The following ZMYM2 variants were observed in gnomAD, a reference collection of about 807,000 sequenced individuals.
The protein encoded by ZMYM2 is zinc finger MYM-type containing 2, also known as zinc finger MYM-type protein 2.
ZMYM2 carries 56 observed loss-of-function variants against 162.8 expected under a neutral mutation model. The ratio of observed to expected loss-of-function variants is 0.34; its 90% CI spans 0.28 to 0.43. ZMYM2 has a LOEUF of 0.43. ZMYM2 is among the 20% of genes least tolerant of loss of function. The pLI is 1.00. For synonymous variants in ZMYM2, 510 were observed against 541.6 expected (o/e 0.94, Z 0.81); for missense variants, 1,275 against 1,621.8 (o/e 0.79, Z 3.67).
intron 11 of ZMYM2, 38 bp from the exon 12 acceptor site, chr13:20,036,699 G>GT (rs144794743): frequency 2.1e-6 from 3 of 1,425,024 alleles, no homozygotes; most frequent in Admixed American, 2.9e-5. Context: ...GTTTTCATGT[G>GT]TTTTTTTGTT....
chr13:19,988,237 C>T (rs1280995988), intron 2 of ZMYM2, among the ~76,000 whole-genome samples: 1 of 152,066 alleles, frequency 6.6e-6, no homozygotes, highest in Non-Finnish European at 1.5e-5. Context: ...CATTTTCTTA[C>T]TTTGTTGAGT....
the ZMYM2 span, among the ~76,000 whole-genome samples, chr13:19,943,917 G>T: frequency 1.3e-5 from 2 of 152,194 alleles, no homozygotes; most frequent in Non-Finnish European, 2.9e-5. Flanking sequence ...TGTTGGGGTA[G>T]AGTAAATTAT....
the ZMYM2 span, among the ~76,000 whole-genome samples, chr13:19,917,616 AAGTT>A: frequency 1.4e-5 from 2 of 141,444 alleles, no homozygotes; most frequent in African/African-American, 2.5e-5. Context: ...AAAAAAAAAG[AAGTT>A]AGTTATCACA....
In ZMYM2 at chr13:19,965,360, T is replaced by C. The variant is rs1177411185; in HGVS notation, c.-11+5334T>C. 9.5e-6 allele frequency: 7 copies of C among 733,666 alleles called. No individual in the cohort carries two copies. The East Asian group carries it at 2.5e-4, about 26-fold the overall frequency. 45.4% of individuals were successfully genotyped at this position (733,666 alleles called of 1,614,324 possible). A position where few individuals can be genotyped will look rare whatever the true frequency, so the allele number is the denominator to read the frequency against. On this transcript the variant is annotated intron_variant, in intron 2 of 24. Coordinates refer to ENST00000610343, the MANE Select transcript of ZMYM2 (RefSeq NM_197968.4). ...CTTCTCTTCTAATACTGGAACAGTT[T>C]TATAATCATTCATTTCAAAGAGGTA...
chr13:19,944,860 G>A, the ZMYM2 span, among the ~76,000 whole-genome samples: 1 of 151,984 alleles, frequency 6.6e-6, no homozygotes, highest in Non-Finnish European at 1.5e-5. Flanking sequence ...TAGTAGAGAT[G>A]GGGTTTTGCT....
At chr13:20,062,758 A>G in intron 17 of ZMYM2, 88 bp from the exon 18 acceptor site, 2 of 1,299,474 alleles carry the variant, frequency 1.5e-6, no homozygotes, top group Non-Finnish European at 2.0e-6. Context: ...TGCATTTAAA[A>G]TTAAATGACT....
chr13:20,065,631 T>G (rs1200817496), intron 19 of ZMYM2, among the ~76,000 whole-genome samples: 1 of 151,802 alleles, frequency 6.6e-6, no homozygotes, highest in Admixed American at 6.6e-5. Context: ...TAGTGAGACC[T>G]CTACAAAAAC....
intron 2 of ZMYM2, among the ~76,000 whole-genome samples, chr13:19,971,262 A>T (rs1161863455): frequency 8.2e-4 from 64 of 78,334 alleles, no homozygotes; most frequent in South Asian, 1.7e-3. Context: ...ATATATATAT[A>T]TTTTTTTTTT....
chr13:19,970,370 T>C (rs951816461), intron 2 of ZMYM2, among the ~76,000 whole-genome samples: 7 of 152,176 alleles, frequency 4.6e-5, no homozygotes, highest in African/African-American at 1.7e-4. Context: ...TCAGGTCATG[T>C]TACTAACTGT....
chr13:19,867,789 C>A, the ZMYM2 span, among the ~76,000 whole-genome samples: 1 of 152,164 alleles, frequency 6.6e-6, no homozygotes, highest in Non-Finnish European at 1.5e-5. Flanking sequence ...CCACGTCCAG[C>A]TAATTTTTGT....
In ZMYM2 at chr13:20,031,378, G is replaced by A. The variant is rs1953121690; in HGVS notation, c.1911G>A (p.Leu637=). ...GQFVAPSDIQ[L]KCNYCKNSFC... is the part of the protein sequence containing the mutation. Reference sequence around the variant, plus strand: ...TTGTAGCGCCAAGTGATATTCAGTTGAAATGCAACTACTGCAAAAATTCCT... The same window carrying A: ...TTGTAGCGCCAAGTGATATTCAGTTAAAATGCAACTACTGCAAAAATTCCT... The change falls in exon 10 of 25, where the codon TTG becomes TTA. Residue 637 remains leucine (L), a synonymous_variant. Transcript: ENST00000610343. 2 of 1,607,772 alleles carry A rather than the reference G, an allele frequency of 1.2e-6. No individual in the cohort carries two copies. The highest frequency in any genetic ancestry group is 4.5e-5 in the East Asian group (2 of 44,620).
chr13:20,049,378 A>G (rs1955107658), intron 12 of ZMYM2, among the ~76,000 whole-genome samples: 1 of 151,936 alleles, frequency 6.6e-6, no homozygotes, highest in South Asian at 2.1e-4. Flanking sequence ...CCATTGTTCA[A>G]ATTCTTGAGG....
chr13:19,992,474 C>T (rs1420918678), intron 2 of ZMYM2, among the ~76,000 whole-genome samples: 1 of 151,952 alleles, frequency 6.6e-6, no homozygotes, highest in Non-Finnish European at 1.5e-5. Flanking sequence ...GTGGGAGGAT[C>T]GCCTTAACCT....
chr13:20,046,635 ATATATGTGTACATATG>A (rs1250147130), intron 12 of ZMYM2, among the ~76,000 whole-genome samples: 3 of 145,210 alleles, frequency 2.1e-5, no homozygotes, highest in Non-Finnish European at 3.0e-5. Flanking sequence ...ATATGTGTAT[ATATATGTGTACATATG>A]TATATGTGTG....
At chr13:19,902,620 A>C in the ZMYM2 span, among the ~76,000 whole-genome samples, 8,603 of 152,268 alleles carry the variant, frequency 0.056, 427 homozygotes, top group African/African-American at 0.14. Flanking sequence ...CTGTCTCAAA[A>C]AAACAAACAA....
At position 19,993,580 on chromosome 13, in the gene ZMYM2, G is replaced by C. The variant is rs200050871; in HGVS notation, c.508G>C (p.Gly170Arg). Reference sequence around the variant, plus strand: ...AAGAAGTAAGGTAAATGCAGGAATGGGTAATAGTGGTATCACCACAGAACC... The same window carrying C: ...AAGAAGTAAGGTAAATGCAGGAATGCGTAATAGTGGTATCACCACAGAACC... ...FSRSKVNAGM[G>R]NSGITTEPDS... Residue 170 changes from glycine to arginine, a missense_variant, in exon 3 of 25, where the codon GGT becomes CGT. By Grantham distance (125) the Gly-to-Arg change is moderately radical (BLOSUM62 -2). This residue lies in a region of ZMYM2 where 295 missense variants were observed against 286.7 expected (regional missense o/e 1.03). Coordinates refer to ENST00000610343, the MANE Select transcript of ZMYM2 (RefSeq NM_197968.4). 6.2e-7 allele frequency: 1 copy of C among 1,614,144 alleles called. No homozygotes were observed. The highest frequency in any genetic ancestry group is 1.3e-5 in the African/African-American group (1 of 75,052).
chr13:20,085,176 C>T (rs1324160174), intron 24 of ZMYM2, among the ~76,000 whole-genome samples: 5 of 152,154 alleles, frequency 3.3e-5, no homozygotes, highest in South Asian at 4.1e-4. Context: ...GCGCGAACTC[C>T]TCACATGAGG....
In ZMYM2 at chr13:20,019,583, G is replaced by A. The variant is rs780954947; in HGVS notation, c.1549G>A (p.Asp517Asn). ...SHPSFLKEVR[D>N]HMQDSFLMQP... is the part of the protein sequence containing the mutation. Reference sequence around the variant, plus strand: ...TCCAAGCTTCCTGAAGGAGGTTCGAGATCACATGCAGGACTCTTTCTTAAT... The same window carrying A: ...TCCAAGCTTCCTGAAGGAGGTTCGAAATCACATGCAGGACTCTTTCTTAAT... Residue 517 changes from aspartate (D) to asparagine (N), a missense_variant, in exon 7 of 25, where the codon GAT (aspartate) becomes AAT (asparagine). By Grantham distance (23) the Asp-to-Asn change is conservative (BLOSUM62 1). Coordinates refer to ENST00000610343, the MANE Select transcript of ZMYM2 (RefSeq NM_197968.4). 1 of 1,597,430 alleles carries A rather than the reference G, an allele frequency of 6.3e-7. No individual in the cohort carries two copies. Among genetic ancestry groups the A allele is most frequent in the Non-Finnish European group, 8.5e-7 (1 of 1,171,436 alleles).
At chr13:20,011,323 G>C (rs1951161005) in intron 6 of ZMYM2, among the ~76,000 whole-genome samples, 1 of 152,020 alleles carries the variant, frequency 6.6e-6, no homozygotes, top group South Asian at 2.1e-4. Flanking sequence ...TCAAACTTTA[G>C]AATATTTACA....
Sources: allele counts gnomAD v4.1 joint callset (sites outside exome capture counted in the v4.1 genomes callset), GRCh38; gene constraint gnomAD v4.1.1; regional missense constraint gnomAD v4.1.1; transcripts MANE v1.5; gene names NCBI Gene and HGNC (gene_info 2026-07-23, HGNC 2026-07-21).